PCDHGA10: variants seen among roughly 807,000 people sequenced by gnomAD.
PCDHGA10 encodes protocadherin gamma subfamily A, 10, also known as protocadherin gamma-A10.
A neutral mutation model predicts 59.5 loss-of-function variants in PCDHGA10; 42 were observed. The observed-to-expected ratio is 0.71, with a 90% CI of 0.55 to 0.91. PCDHGA10 has a LOEUF of 0.91. PCDHGA10 is among the 40% of genes least tolerant of loss of function. The probability of loss-of-function intolerance (pLI) is 0.00; values close to 1 mark genes in which losing one functional copy is unlikely to be tolerated. For missense variants in PCDHGA10, 1,111 were observed against 1,198.2 expected (o/e 0.93, Z 1.07); for synonymous variants, 511 against 517.2 (o/e 0.99, Z 0.16).
Position 141,431,919 on chromosome 5 carries a change from A to C in PCDHGA10, c.2436+16308A>C, listed in dbSNP as rs2097428718. The C allele has an allele frequency of 7.4e-6, 12 of 1,614,040 alleles. No individual in the cohort carries two copies. Among genetic ancestry groups the C allele is most frequent in the Non-Finnish European group, 1.0e-5 (12 of 1,179,980 alleles). On this transcript the variant is annotated intron_variant, in intron 1 of 3. Transcript: ENST00000398610. This position sits in a 1 kb window ranked among gnomAD's most constrained non-coding sequence, Gnocchi z 4.8. ...AACGGACAGGTGATCTGTTTCATCC[A>C]AGGAAATCTGCCCTTTAAATTAGAA... is the stretch of plus-strand genomic sequence containing the variant.
At chr5:141,438,396 ACT>A (rs2097958956) in intron 1 of PCDHGA10, among the ~76,000 whole-genome samples, 2 of 150,930 alleles carry the variant, frequency 1.3e-5, no homozygotes, top group African/African-American at 4.9e-5. Context: ...TTCATCATTA[ACT>A]CTCTGAAGTA....
intron 1 of PCDHGA10, chr5:141,417,885 G>A (rs761442517): frequency 2.6e-6 from 4 of 1,562,806 alleles, no homozygotes; most frequent in Admixed American, 1.9e-5. Flanking sequence ...GCGCAGAGGC[G>A]CCGGGCCGGC....
intron 2 of PCDHGA10, among the ~76,000 whole-genome samples, chr5:141,499,576 G>C (rs2099792836): frequency 1.3e-5 from 2 of 151,790 alleles, no homozygotes; most frequent in Non-Finnish European, 2.9e-5. Context: ...TTCAACTAAT[G>C]CCTTATCTTG....
chr5:141,451,069 C>G (rs2098705799), intron 1 of PCDHGA10, among the ~76,000 whole-genome samples: 1 of 151,836 alleles, frequency 6.6e-6, no homozygotes, highest in Non-Finnish European at 1.5e-5. Flanking sequence ...ACCTTGTGAT[C>G]CACCCACCTT....
chr5:141,472,980 C>CAAAAAAAAAAAAAAAAAAAA (rs60579131), intron 1 of PCDHGA10, among the ~76,000 whole-genome samples: 7 of 86,088 alleles, frequency 8.1e-5, no homozygotes, highest in South Asian at 4.3e-4. Flanking sequence ...GAGTGAAACT[C>CAAAAAAAAAAAAAAAAAAAA]AAAAAAAAAA....
intron 1 of PCDHGA10, among the ~76,000 whole-genome samples, chr5:141,434,518 T>C (rs2097700303): frequency 6.6e-6 from 1 of 152,188 alleles, no homozygotes; most frequent in Admixed American, 6.5e-5. Flanking sequence ...CTTAAAGGTG[T>C]TCTTAAACCA....
chr5:141,421,322 T>TC (rs761059925), intron 1 of PCDHGA10: 24 of 1,613,746 alleles, frequency 1.5e-5, no homozygotes, highest in Middle Eastern at 1.6e-4. Flanking sequence ...GCCAGGCAGA[T>TC]CCGATATTCG....
chr5:141,419,705 C>A, intron 1 of PCDHGA10: 1 of 1,613,038 alleles, frequency 6.2e-7, no homozygotes, highest in South Asian at 1.1e-5. Flanking sequence ...TGAGCCCGGG[C>A]TCTTCAGCCT....
At position 141,413,956 on chromosome 5, in the gene PCDHGA10, G is replaced by C; in HGVS notation, c.781G>C (p.Val261Leu). 11 of 1,613,484 alleles carry C rather than the reference G, an allele frequency of 6.8e-6. No homozygotes were observed. Among genetic ancestry groups the C allele is most frequent in the Non-Finnish European group, 9.3e-6 (11 of 1,179,886 alleles). The change falls in exon 1 of 4, where the codon GTG becomes CTG. Residue 261 changes from valine (V) to leucine (L), a missense_variant. By Grantham distance (32) the Val-to-Leu change is conservative (BLOSUM62 1). Transcript: ENST00000398610. ...YRVSVPENLP[V>L]GTQLLTVTAT... ...AGTGAGTGTTCCTGAGAATTTGCCT[G>C]TGGGCACTCAGCTGCTGACAGTCAC...
intron 1 of PCDHGA10, chr5:141,426,680 T>C (rs1261836011): frequency 2.3e-6 from 1 of 431,334 alleles, no homozygotes; most frequent in East Asian, 7.2e-5. Flanking sequence ...CACCTCATTT[T>C]CCCCAAAATA....
intron 1 of PCDHGA10, among the ~76,000 whole-genome samples, chr5:141,481,730 G>C (rs778885944): frequency 6.6e-5 from 10 of 151,952 alleles, no homozygotes; most frequent in Non-Finnish European, 1.3e-4. Flanking sequence ...GAGGCGGGCG[G>C]ATCACGAGGT....
rs372054375 is a variant in PCDHGA10, at chr5:141,490,825, A to T, written c.2437-3982A>T. 9 of 1,613,692 alleles carry T rather than the reference A, an allele frequency of 5.6e-6. No individual in the cohort carries two copies. The highest frequency in any genetic ancestry group is 3.3e-4 in the Middle Eastern group (2 of 6,062). On this transcript the variant is annotated intron_variant, in intron 1 of 3. Transcript: ENST00000398610. This position sits in a 1 kb window ranked among gnomAD's most constrained non-coding sequence, Gnocchi z 5.4. ...TACCTTTGACTATGAATTGCTGCAG[A>T]TGCTGCAGATTGTGGTGGGGGTTCG... is the stretch of plus-strand genomic sequence containing the variant.
chr5:141,420,505 T>C (rs923726040), intron 1 of PCDHGA10: 4 of 457,906 alleles, frequency 8.7e-6, no homozygotes, highest in Middle Eastern at 6.0e-4. Context: ...GGTGACATTT[T>C]TATGAAGTAA....
At chr5:141,418,057 G>A (rs2096216088) in intron 1 of PCDHGA10, 2 of 1,614,050 alleles carry the variant, frequency 1.2e-6, no homozygotes, top group East Asian at 4.5e-5. Context: ...CTCGCGAGCT[G>A]CGAGTGAGCG....
intron 1 of PCDHGA10, chr5:141,423,616 G>A: frequency 6.2e-7 from 1 of 1,609,594 alleles, no homozygotes; most frequent in Admixed American, 1.7e-5. Context: ...GATAGCTGAA[G>A]ACTCAGCTAT....
rs202006594 is a variant in PCDHGA10 at position 141,477,618 on chromosome 5, C to G, written c.2437-17189C>G. On this transcript the variant is annotated intron_variant, in intron 1 of 3. Coordinates refer to ENST00000398610, the MANE Select transcript of PCDHGA10 (RefSeq NM_018913.3). The surrounding 1 kb of genome is among the most constrained non-coding windows in gnomAD (Gnocchi z 4.9). ...TCTTTCTTTCTCTTGGAGCAAGGAGCTGAAACCGGGCTAGTGGGTCGCTAT... is the reference window on the plus strand; with the variant it reads ...TCTTTCTTTCTCTTGGAGCAAGGAGGTGAAACCGGGCTAGTGGGTCGCTAT... 6.2e-7 allele frequency: 1 copy of G among 1,614,176 alleles called. No individual in the cohort carries two copies. Among genetic ancestry groups the G allele is most frequent in the East Asian group, 2.2e-5 (1 of 44,890 alleles).
chr5:141,487,421 C>G lies in PCDHGA10; in HGVS notation c.2437-7386C>G. On this transcript the variant is annotated intron_variant, in intron 1 of 3. Transcript: ENST00000398610. This position sits in a 1 kb window ranked among gnomAD's most constrained non-coding sequence, Gnocchi z 5.0. ...GGGGCTTCCCCCTTCCAATGGGATC[C>G]TCCGAATCCAGCTAGGGTCAGATGA... 1 of 1,614,144 alleles carries G rather than the reference C, an allele frequency of 6.2e-7. No individual in the cohort carries two copies. The highest frequency in any genetic ancestry group is 8.5e-7 in the Non-Finnish European group (1 of 1,180,022).
chr5:141,505,443 C>A lies in PCDHGA10; in HGVS notation c.2546C>A (p.Thr849Lys). ...TGTWPNNQFD[T>K]EMLQAMILAS... ...ACCTGGCCCAACAACCAGTTTGACA[C>A]AGAGATGCTGCAAGCCATGATCTTG... Residue 849 changes from threonine to lysine, a missense_variant, in exon 3 of 4, where the codon ACA becomes AAA. Physicochemically the swap from Thr to Lys is moderately conservative, Grantham distance 78. Transcript: ENST00000398610. 2 of 1,614,224 alleles carry A rather than the reference C, an allele frequency of 1.2e-6. No homozygotes were observed. Among genetic ancestry groups the A allele is most frequent in the Non-Finnish European group, 8.5e-7 (1 of 1,180,042 alleles).
chr5:141,462,774 A>G (rs890366708), intron 1 of PCDHGA10, among the ~76,000 whole-genome samples: 1 of 152,126 alleles, frequency 6.6e-6, no homozygotes, highest in Admixed American at 6.6e-5. Context: ...GCTTGGGGTC[A>G]TAATTTGTTG....
Sources: gnomAD v4.1 joint callset for allele counts (sites outside exome capture counted in the v4.1 genomes callset) on GRCh38, gnomAD v4.1.1 for gene constraint, Gnocchi (gnomAD v3.1) non-coding constraint, MANE v1.5 for transcripts, NCBI Gene and HGNC (gene_info 2026-07-23, HGNC 2026-07-21) for gene names.